CFAP61: variants seen among roughly 807,000 people sequenced by gnomAD.
CFAP61 encodes cilia and flagella associated protein 61.
CFAP61 carries 107 observed loss-of-function variants against 135.6 expected under a neutral mutation model. The observed-to-expected ratio is 0.79, with a 90% confidence interval of 0.67 to 0.93. The LOEUF (loss-of-function observed/expected upper bound fraction) is 0.93, where lower values mean the gene tolerates loss of function less well. Ranked by LOEUF, CFAP61 falls within the 40% of genes least tolerant of loss-of-function variation. The pLI is 0.00. For missense variants in CFAP61, 1,507 were observed against 1,556.2 expected (o/e 0.97, Z 0.53); for synonymous variants, 575 against 578.5 (o/e 0.99, Z 0.09).
At chr20:20,164,863 A>T (rs1291328625) in intron 11 of CFAP61, among the ~76,000 whole-genome samples, 1 of 152,166 alleles carries the variant, frequency 6.6e-6, no homozygotes, top group East Asian at 1.9e-4. Context: ...ATCATAGGGG[A>T]AGATGAAAGC....
intron 2 of CFAP61, among the ~76,000 whole-genome samples, chr20:20,066,515 A>T (rs1184744311): frequency 6.6e-6 from 1 of 152,226 alleles, no homozygotes; most frequent in Non-Finnish European, 1.5e-5. Context: ...GGATGAGTTC[A>T]TGTCCTTTGC....
At position 20,097,032 on chromosome 20, in the gene CFAP61, C is replaced by T. The variant is rs1004759509; in HGVS notation, c.700-1623C>T. On this transcript the variant is annotated intron_variant, in intron 7 of 26. Transcript: ENST00000245957. ...AGGTCTCACTTTTATTTTGCAAACA[C>T]GTTTGAGAACAAATGATTTTTAACT... Among the ~76,000 whole-genome samples the T allele has an allele frequency of 6.0e-5, 9 of 151,014 alleles. 1 individual carries two copies. The highest frequency in any genetic ancestry group is 3.9e-4 in the East Asian group (2 of 5,154).
At chr20:20,069,177 T>G (rs2045530719) in intron 2 of CFAP61, among the ~76,000 whole-genome samples, 1 of 149,830 alleles carries the variant, frequency 6.7e-6, no homozygotes, top group African/African-American at 2.6e-5. Flanking sequence ...TGTGAGAGAC[T>G]GCTGTTTGGT....
intron 20 of CFAP61, among the ~76,000 whole-genome samples, chr20:20,256,753 G>A (rs1394326049): frequency 6.6e-6 from 1 of 152,146 alleles, no homozygotes; most frequent in Non-Finnish European, 1.5e-5. Flanking sequence ...AGACTCAAGG[G>A]ACAATAATTG....
intron 17 of CFAP61, among the ~76,000 whole-genome samples, chr20:20,210,484 G>A (rs2047552434): frequency 6.6e-6 from 1 of 152,176 alleles, no homozygotes; most frequent in Non-Finnish European, 1.5e-5. Context: ...CTGGGGCTGG[G>A]TCTGCCCAAA....
intron 6 of CFAP61, among the ~76,000 whole-genome samples, chr20:20,084,563 C>T (rs907784131): frequency 1.3e-5 from 2 of 152,100 alleles, no homozygotes; most frequent in African/African-American, 4.8e-5. Flanking sequence ...TCCTCTGGGG[C>T]CGTAATCATG....
intron 9 of CFAP61, among the ~76,000 whole-genome samples, chr20:20,145,574 T>C (rs1236634986): frequency 6.6e-6 from 1 of 152,202 alleles, no homozygotes; most frequent in Non-Finnish European, 1.5e-5. Context: ...TTAAAGATCA[T>C]GTATATAAGG....
At chr20:20,137,597 G>C (rs12329477) in intron 8 of CFAP61, among the ~76,000 whole-genome samples, 2 of 152,048 alleles carry the variant, frequency 1.3e-5, no homozygotes, top group Admixed American at 6.5e-5. Context: ...GGGCTCTTCT[G>C]TCAGCTTGTG....
intron 9 of CFAP61, among the ~76,000 whole-genome samples, chr20:20,144,457 T>A (rs1203229635): frequency 6.6e-6 from 1 of 152,070 alleles, no homozygotes; most frequent in Non-Finnish European, 1.5e-5. Flanking sequence ...TAACTCCAGG[T>A]TAGGCATTGC....
intron 13 of CFAP61, among the ~76,000 whole-genome samples, chr20:20,173,268 G>A (rs921346872): frequency 1.3e-5 from 2 of 152,202 alleles, no homozygotes; most frequent in African/African-American, 4.8e-5. Flanking sequence ...GTGGGTGAAA[G>A]TTTTCAGCTC....
At chr20:20,071,043 A>G (rs769947760) in intron 3 of CFAP61, 39 bp downstream of exon 3, 7 of 1,597,952 alleles carry the variant, frequency 4.4e-6, no homozygotes, top group East Asian at 2.2e-5. Context: ...AACACCCTGA[A>G]TCTTGAGGGG....
chr20:20,089,453 T>A (rs2146611913), intron 6 of CFAP61, among the ~76,000 whole-genome samples: 1 of 151,304 alleles, frequency 6.6e-6, no homozygotes, highest in South Asian at 2.1e-4. Flanking sequence ...GAGAACATAC[T>A]AGAAGATAAA....
intron 15 of CFAP61, among the ~76,000 whole-genome samples, chr20:20,192,623 C>T (rs1409495871): frequency 6.6e-6 from 1 of 152,112 alleles, no homozygotes; most frequent in Non-Finnish European, 1.5e-5. Context: ...CTACTTATCT[C>T]CTTACACCTG....
chr20:20,339,574 A>T (rs1407031610), intron 25 of CFAP61, among the ~76,000 whole-genome samples: 2 of 152,068 alleles, frequency 1.3e-5, no homozygotes, highest in African/African-American at 2.4e-5. Context: ...GGCTCAAGCG[A>T]TCCTCCCACC....
chr20:20,261,973 G>A (rs1462712391), intron 20 of CFAP61, among the ~76,000 whole-genome samples: 1 of 152,196 alleles, frequency 6.6e-6, no homozygotes, highest in Non-Finnish European at 1.5e-5. Flanking sequence ...TAAAGAGAAG[G>A]AGAATATTTC....
chr20:20,180,335 A>G (rs2054965572), intron 13 of CFAP61, among the ~76,000 whole-genome samples: 1 of 120,002 alleles, frequency 8.3e-6, no homozygotes, highest in East Asian at 2.0e-4. Context: ...TCTCAAAAAG[A>G]AAAAAAAAAA....
intron 17 of CFAP61, among the ~76,000 whole-genome samples, chr20:20,213,761 A>G (rs2047833610): frequency 6.6e-6 from 1 of 152,230 alleles, no homozygotes; most frequent in Non-Finnish European, 1.5e-5. Flanking sequence ...AATAGGTGAT[A>G]TAATTAACAA....
chr20:20,103,100 T>C (rs2048139429), intron 8 of CFAP61, among the ~76,000 whole-genome samples: 1 of 152,186 alleles, frequency 6.6e-6, no homozygotes, highest in Non-Finnish European at 1.5e-5. Flanking sequence ...GTTTATGTGC[T>C]TATTCCATGA....
chr20:20,157,398 A>T (rs1341067769), intron 9 of CFAP61, among the ~76,000 whole-genome samples: 1 of 152,222 alleles, frequency 6.6e-6, no homozygotes, highest in Non-Finnish European at 1.5e-5. Context: ...TATTGTAATG[A>T]AGATAGTGTA....
Sources: gnomAD v4.1 joint callset for allele counts (sites outside exome capture counted in the v4.1 genomes callset) on GRCh38, gnomAD v4.1.1 for gene constraint, MANE v1.5 for transcripts, NCBI Gene and HGNC (gene_info 2026-07-23, HGNC 2026-07-21) for gene names.